DYNC1I1: variants seen among roughly 807,000 people sequenced by gnomAD.
The protein encoded by DYNC1I1 is cytoplasmic dynein 1 intermediate chain 1.
In DYNC1I1, 43 loss-of-function variants were observed where a neutral mutation model predicts 86.6. That is an observed-to-expected ratio of 0.50 (90% confidence interval 0.39 to 0.64). The LOEUF is 0.64. DYNC1I1 is among the 30% of genes least tolerant of loss of function. The pLI is 0.00. For synonymous variants in DYNC1I1, 262 were observed against 283.7 expected (o/e 0.92, Z 0.77); for missense variants, 604 against 788.8 (o/e 0.77, Z 2.81).
chr7:95,915,044 G>A (rs1791432637), intron 6 of DYNC1I1, among the ~76,000 whole-genome samples: 1 of 152,050 alleles, frequency 6.6e-6, no homozygotes, highest in Non-Finnish European at 1.5e-5. Flanking sequence ...TGAAATGAAT[G>A]ATCTCAGTTA....
At chr7:96,029,284 G>C (rs1219683995) in intron 11 of DYNC1I1, among the ~76,000 whole-genome samples, 1 of 152,138 alleles carries the variant, frequency 6.6e-6, no homozygotes, top group Non-Finnish European at 1.5e-5. Flanking sequence ...ACTAGTTCTT[G>C]GGAATCTTGG....
In DYNC1I1 at chr7:95,895,837, G is replaced by A. The variant is rs1790869039; in HGVS notation, c.490+25839G>A. On this transcript the variant is annotated intron_variant, in intron 6 of 16. Transcript: ENST00000447467. ...TCAACAATGCAAAAACTGCAATTAT[G>A]TTTGCACCAAGCTAATAGTATCCTG... Among the ~76,000 whole-genome samples the A allele has an allele frequency of 2.6e-5, 4 of 152,288 alleles. No homozygotes were observed. The South Asian group carries it at 8.3e-4, about 32-fold the overall frequency.
At chr7:96,108,690 C>T (rs1036590579) in intron 16 of DYNC1I1, among the ~76,000 whole-genome samples, 1 of 151,682 alleles carries the variant, frequency 6.6e-6, no homozygotes, top group South Asian at 2.1e-4. Flanking sequence ...GGTAAAACCC[C>T]GTCTCTACTA....
At chr7:95,862,121 T>A (rs1789898921) in intron 5 of DYNC1I1, among the ~76,000 whole-genome samples, 1 of 152,180 alleles carries the variant, frequency 6.6e-6, no homozygotes. Flanking sequence ...GGTTTAAGTC[T>A]TTGTGTCCTT....
At chr7:96,093,198 T>C (rs909318917) in intron 16 of DYNC1I1, among the ~76,000 whole-genome samples, 1 of 152,208 alleles carries the variant, frequency 6.6e-6, no homozygotes, top group African/African-American at 2.4e-5. Context: ...AAAGAATGCA[T>C]GACAATCCAT....
chr7:95,891,374 T>C (rs1790733686), intron 6 of DYNC1I1, among the ~76,000 whole-genome samples: 1 of 152,204 alleles, frequency 6.6e-6, no homozygotes, highest in African/African-American at 2.4e-5. Flanking sequence ...TTGCGTTTGG[T>C]CTAAGGGTAA....
intron 1 of DYNC1I1, among the ~76,000 whole-genome samples, chr7:95,791,562 A>G (rs1211708109): frequency 6.6e-6 from 1 of 152,234 alleles, no homozygotes; most frequent in Non-Finnish European, 1.5e-5. Context: ...GTTCTAAAGC[A>G]TAGATTATTT....
chr7:95,909,711 T>C (rs1013510620), intron 6 of DYNC1I1, among the ~76,000 whole-genome samples: 3 of 152,200 alleles, frequency 2.0e-5, no homozygotes, highest in Non-Finnish European at 4.4e-5. Flanking sequence ...ATTATTTTTA[T>C]GTACAGAAAA....
chr7:95,910,376 C>T (rs188292193), intron 6 of DYNC1I1, among the ~76,000 whole-genome samples: 1 of 152,248 alleles, frequency 6.6e-6, no homozygotes, highest in Admixed American at 6.5e-5. Flanking sequence ...CTTCTGTGTC[C>T]AGGAGCCAGA....
rs75283130 is a variant in DYNC1I1 at position 96,080,730 on chromosome 7, C to T, written c.1776+242C>T. On this transcript the variant is annotated intron_variant, in intron 16 of 16. Transcript: ENST00000447467. ...CCTTTTAGAGTCCTGTAGAATGTCC[C>T]ATCATCCTGTGATGGAGTGTGGCAC... is the stretch of plus-strand genomic sequence containing the variant. 8.5e-3 allele frequency among the ~76,000 whole-genome samples: 1,287 copies of T among 152,174 alleles called. 13 individuals are homozygous for T. The highest frequency in any genetic ancestry group is 0.03 in the African/African-American group (1,236 of 41,516).
At chr7:96,059,212 A>G (rs1017452392) in intron 14 of DYNC1I1, among the ~76,000 whole-genome samples, 2 of 152,070 alleles carry the variant, frequency 1.3e-5, no homozygotes, top group Non-Finnish European at 2.9e-5. Flanking sequence ...CTTGTTTAAC[A>G]CATGTATTTT....
chr7:96,096,126 A>G (rs994538505), intron 16 of DYNC1I1, among the ~76,000 whole-genome samples: 3 of 152,154 alleles, frequency 2.0e-5, no homozygotes, highest in Non-Finnish European at 4.4e-5. Flanking sequence ...CCTTAATACC[A>G]GAACACTAAT....
rs1296229507 is a variant in DYNC1I1 at position 96,097,761 on chromosome 7, G to A, written c.*168G>A. On this transcript the variant is annotated 3_prime_UTR_variant, in exon 17 of 17. Transcript: ENST00000447467. ...AAGTATTCTAAATGTGTCCCATCAT[G>A]CTTTCCACTGACCCAAAATTCACCA... The A allele has an allele frequency of 3.0e-6, 4 of 1,326,546 alleles. No homozygotes were observed. The African/African-American group carries it at 5.9e-5, about 20-fold the overall frequency. The allele number at this position is 1,326,546 out of a possible 1,614,324, so 82.2% of individuals were successfully genotyped here.
chr7:95,962,274 T>A (rs1281623435), intron 6 of DYNC1I1, among the ~76,000 whole-genome samples: 1 of 152,174 alleles, frequency 6.6e-6, no homozygotes, highest in Non-Finnish European at 1.5e-5. Context: ...TACACCCTCT[T>A]TCTAGTCTCA....
Position 96,080,350 on chromosome 7 carries a change from A to C in DYNC1I1, c.1651-13A>C, listed in dbSNP as rs1225807596. On this transcript the variant is annotated splice_polypyrimidine_tract_variant and intron_variant, in intron 15 of 16. Coordinates refer to ENST00000447467, the MANE Select transcript of DYNC1I1 (RefSeq NM_001135556.2). Reference sequence around the variant, plus strand: ...TCAGAGATTCTTTTATTCTGTTGTGAACCCTTTGGCAGGTTCCAACAGCAA... The same window carrying C: ...TCAGAGATTCTTTTATTCTGTTGTGCACCCTTTGGCAGGTTCCAACAGCAA... 2 of 1,582,628 alleles carry C rather than the reference A, an allele frequency of 1.3e-6. No homozygotes were observed. Among genetic ancestry groups the C allele is most frequent in the Admixed American group, 1.9e-5 (1 of 53,138 alleles).
intron 14 of DYNC1I1, among the ~76,000 whole-genome samples, chr7:96,067,445 C>CTTTTTTTTTTTTTT (rs555422571): frequency 2.2e-5 from 3 of 138,766 alleles, no homozygotes; most frequent in Non-Finnish European, 3.1e-5. Flanking sequence ...TCTTTCTTTC[C>CTTTTTTTTTTTTTT]TTTTTTTTTT....
rs189596266 is a variant in DYNC1I1 at position 96,093,637 on chromosome 7, C to T, written c.1777-3846C>T. 1.5e-4 allele frequency among the ~76,000 whole-genome samples: 23 copies of T among 152,156 alleles called. No individual in the cohort carries two copies. The South Asian group carries it at 1.9e-3, about 12-fold the overall frequency. ...TGGACTGGCTGTTGGTGAACTCAGT[C>T]GATGAAGCAGTTGGAATATCTGAGT... On this transcript the variant is annotated intron_variant, in intron 16 of 16. Transcript: ENST00000447467.
chr7:96,047,185 G>A (rs1433433572), intron 14 of DYNC1I1, among the ~76,000 whole-genome samples: 2 of 152,058 alleles, frequency 1.3e-5, no homozygotes, highest in Non-Finnish European at 2.9e-5. Context: ...ATTCATGAGG[G>A]TGGAGCCCTC....
chr7:96,085,305 G>A (rs886426933), intron 16 of DYNC1I1, among the ~76,000 whole-genome samples: 1 of 152,106 alleles, frequency 6.6e-6, no homozygotes, highest in South Asian at 2.1e-4. Flanking sequence ...CTTCTGAAGG[G>A]GTAAACACAG....
Sources: gnomAD v4.1 joint callset for allele counts (sites outside exome capture counted in the v4.1 genomes callset) on GRCh38, gnomAD v4.1.1 for gene constraint, MANE v1.5 for transcripts, NCBI Gene and HGNC (gene_info 2026-07-23, HGNC 2026-07-21) for gene names.